Variants in LRMDA observed in about 807,000 individuals in gnomAD.
The protein encoded by LRMDA is leucine rich melanocyte differentiation associated.
A neutral mutation model predicts 29.8 loss-of-function variants in LRMDA; 18 were observed. That is an observed-to-expected ratio of 0.60 (90% confidence interval 0.42 to 0.90). The LOEUF is 0.90. LRMDA is among the 40% of genes least tolerant of loss of function. The pLI is 0.00. For synonymous variants in LRMDA, 125 were observed against 109.4 expected (o/e 1.14, Z -0.89); for missense variants, 273 against 273.9 (o/e 1.00, Z 0.02).
intron 2 of LRMDA, among the ~76,000 whole-genome samples, chr10:75,734,746 A>C (rs1842740427): frequency 6.6e-6 from 1 of 152,242 alleles, no homozygotes; most frequent in Admixed American, 6.5e-5. Context: ...TATGCTAACA[A>C]GCCCAGCAGG....
intron 2 of LRMDA, among the ~76,000 whole-genome samples, chr10:75,866,691 C>G (rs781566067): frequency 1.3e-5 from 2 of 152,194 alleles, no homozygotes; most frequent in Non-Finnish European, 2.9e-5. Context: ...AAATTGACCT[C>G]ACCCAGGAAC....
chr10:75,604,446 G>A (rs945389555), intron 2 of LRMDA, among the ~76,000 whole-genome samples: 1 of 152,124 alleles, frequency 6.6e-6, no homozygotes, highest in Non-Finnish European at 1.5e-5. Flanking sequence ...TACCTCTGCC[G>A]TCTTCCAGTT....
chr10:75,572,548 T>C (rs2132071082), intron 2 of LRMDA, among the ~76,000 whole-genome samples: 1 of 152,342 alleles, frequency 6.6e-6, no homozygotes, highest in South Asian at 2.1e-4. Flanking sequence ...AGTTTCGATT[T>C]CTGCCAAGTA....
chr10:76,083,285 C>T (rs1849076822), intron 5 of LRMDA, among the ~76,000 whole-genome samples: 1 of 152,164 alleles, frequency 6.6e-6, no homozygotes, highest in Non-Finnish European at 1.5e-5. Context: ...CATCCCAGGA[C>T]CAGTCAAGAC....
chr10:76,145,317 T>C (rs1265689391), intron 5 of LRMDA, among the ~76,000 whole-genome samples: 1 of 152,218 alleles, frequency 6.6e-6, no homozygotes, highest in Non-Finnish European at 1.5e-5. Context: ...ATCCATCTGG[T>C]CCTGGACTTT....
chr10:75,991,940 G>A (rs967623186), intron 2 of LRMDA, among the ~76,000 whole-genome samples: 60 of 152,174 alleles, frequency 3.9e-4, no homozygotes, highest in African/African-American at 1.4e-3. Flanking sequence ...TCTCCTTGAC[G>A]TGTCTGATGG....
intron 2 of LRMDA, among the ~76,000 whole-genome samples, chr10:75,786,617 C>T (rs767173313): frequency 1.6e-4 from 25 of 152,012 alleles, no homozygotes; most frequent in Non-Finnish European, 3.1e-4. Context: ...TCTGAAGACC[C>T]GTGTCTTCCT....
chr10:75,808,372 T>C (rs1462196858), intron 2 of LRMDA, among the ~76,000 whole-genome samples: 2 of 152,248 alleles, frequency 1.3e-5, no homozygotes, highest in African/African-American at 4.8e-5. Context: ...ATCTGTATAA[T>C]ATGAAAGCAT....
At chr10:75,631,852 G>T (rs1357975517) in intron 2 of LRMDA, among the ~76,000 whole-genome samples, 2 of 152,172 alleles carry the variant, frequency 1.3e-5, no homozygotes, top group African/African-American at 4.8e-5. Context: ...GTCTTCTGGA[G>T]GGTAAAGCTG....
At chr10:75,680,550 A>T (rs1486432689) in intron 2 of LRMDA, among the ~76,000 whole-genome samples, 1 of 152,180 alleles carries the variant, frequency 6.6e-6, no homozygotes, top group Non-Finnish European at 1.5e-5. Context: ...ACCTTCTTAC[A>T]TATTGTATAT....
chr10:75,944,163 G>T (rs1846440273), intron 2 of LRMDA, among the ~76,000 whole-genome samples: 1 of 152,092 alleles, frequency 6.6e-6, no homozygotes, highest in Non-Finnish European at 1.5e-5. Flanking sequence ...CATTTTCGAA[G>T]AATATTTTCA....
At chr10:76,148,673 G>A (rs4508152) in intron 5 of LRMDA, among the ~76,000 whole-genome samples, 33,084 of 152,044 alleles carry the variant, frequency 0.22, 4,883 homozygotes, top group African/African-American at 0.41. Context: ...GCTACTGCTC[G>A]TGCACAGTGC....
chr10:76,406,020 TTA>T (rs1841898207), intron 6 of LRMDA, among the ~76,000 whole-genome samples: 1 of 152,230 alleles, frequency 6.6e-6, no homozygotes, highest in Non-Finnish European at 1.5e-5. Context: ...AAATGTCCTC[TTA>T]TTTAACTGGC....
intron 6 of LRMDA, among the ~76,000 whole-genome samples, chr10:76,521,234 T>C (rs976823430): frequency 1.3e-4 from 19 of 151,462 alleles, no homozygotes; most frequent in South Asian, 2.1e-4. Flanking sequence ...CCCGGGTTCA[T>C]GCCATTCTCC....
At chr10:76,516,592 G>A (rs1421863549) in intron 6 of LRMDA, among the ~76,000 whole-genome samples, 2 of 151,902 alleles carry the variant, frequency 1.3e-5, no homozygotes, top group East Asian at 3.9e-4. Context: ...AGAACATGCA[G>A]TGTTTTTTTT....
intron 2 of LRMDA, among the ~76,000 whole-genome samples, chr10:75,668,125 A>G (rs1165376636): frequency 6.6e-6 from 1 of 152,210 alleles, no homozygotes; most frequent in African/African-American, 2.4e-5. Flanking sequence ...TAGCAAATCT[A>G]CTTCTGCCAA....
intron 5 of LRMDA, among the ~76,000 whole-genome samples, chr10:76,173,759 C>A (rs1850881728): frequency 6.6e-6 from 1 of 152,260 alleles, no homozygotes; most frequent in East Asian, 1.9e-4. Context: ...CTCCTGGGTT[C>A]AAGCAATTCT....
chr10:76,344,491 G>A (rs891925313), intron 6 of LRMDA, among the ~76,000 whole-genome samples: 2 of 152,118 alleles, frequency 1.3e-5, no homozygotes, highest in Non-Finnish European at 2.9e-5. Context: ...AATTCATTAT[G>A]AAATCATGTA....
intron 6 of LRMDA, among the ~76,000 whole-genome samples, chr10:76,522,164 T>C (rs924103244): frequency 6.6e-6 from 1 of 152,170 alleles, no homozygotes; most frequent in Non-Finnish European, 1.5e-5. Flanking sequence ...GAGTTTTTCT[T>C]GAATTTCAGA....
Sources: allele counts gnomAD v4.1 joint callset (sites outside exome capture counted in the v4.1 genomes callset), GRCh38; gene constraint gnomAD v4.1.1; transcripts MANE v1.5; gene names NCBI Gene and HGNC (gene_info 2026-07-23, HGNC 2026-07-21).